The following TLE1 variants were observed in gnomAD, a reference collection of about 807,000 sequenced individuals.
The protein encoded by TLE1 is transducin-like enhancer protein 1.
In TLE1, 21 loss-of-function variants were observed where a neutral mutation model predicts 89.8. The observed-to-expected ratio is 0.23, with a 90% CI of 0.17 to 0.34. The LOEUF (loss-of-function observed/expected upper bound fraction) is 0.34, where lower values mean the gene tolerates loss of function less well. Ranked by LOEUF, TLE1 falls within the 10% of genes least tolerant of loss-of-function variation. TLE1 has a pLI of 1.00. For missense variants in TLE1, 795 were observed against 1,031.2 expected (o/e 0.77, Z 3.14); for synonymous variants, 447 against 407.6 (o/e 1.10, Z -1.16).
Position 81,585,590 on chromosome 9 carries a change from C to T in TLE1, c.2043G>A (p.Val681=). The part of the protein sequence containing the change: ...WLAVGMESSN[V]EVLHVNKPDK... ...CAGGCTTGTTCACGTGCAGCACCTC[C>T]ACATTGCTGCTCTCCATGCCCACTG... Residue 681 remains valine, a synonymous_variant, in exon 18 of 20, where the codon GTG becomes GTA. Coordinates refer to ENST00000376499, the MANE Select transcript of TLE1 (RefSeq NM_005077.5). The T allele has an allele frequency of 1.9e-6, 3 of 1,614,138 alleles. No individual in the cohort carries two copies. The highest frequency in any genetic ancestry group is 2.5e-6 in the Non-Finnish European group (3 of 1,180,030).
chr9:81,599,942 G>A (rs1830695608), intron 14 of TLE1: 3 of 520,754 alleles, frequency 5.8e-6, no homozygotes, highest in Non-Finnish European at 1.1e-5. Context: ...TCTTAAAATG[G>A]ATATGTAAAA....
At chr9:81,652,102 A>C (rs1324940799) in intron 6 of TLE1, 112 bp downstream of exon 6, 2 of 669,982 alleles carry the variant, frequency 3.0e-6, no homozygotes, top group African/African-American at 6.3e-5. Flanking sequence ...GGTCAACGTT[A>C]AGATACACAC....
chr9:81,686,044 C>A, intron 2 of TLE1, 148 bp from the exon 3 acceptor site: 1 of 744,058 alleles, frequency 1.3e-6, no homozygotes. Context: ...TTTGTCCTTG[C>A]ATTTAATAGG....
At position 81,626,004 on chromosome 9, in the gene TLE1, G is replaced by A. The variant is rs138933671; in HGVS notation, c.595-5447C>T. 2.5e-4 allele frequency among the ~76,000 whole-genome samples: 37 copies of A among 146,032 alleles called. No homozygotes were observed. In the East Asian group the frequency reaches 7.1e-3, roughly 28 times the overall value. On this transcript the variant is annotated intron_variant, in intron 8 of 19. Transcript: ENST00000376499. ...TTACAGAGGCCTTCATGAATCCTAAGACCTCCAAGCAACTTCTCTGCCAAC... is the reference window on the plus strand; with the variant it reads ...TTACAGAGGCCTTCATGAATCCTAAAACCTCCAAGCAACTTCTCTGCCAAC...
At chr9:81,602,023 A>G (rs1440719253) in intron 14 of TLE1, among the ~76,000 whole-genome samples, 2 of 152,208 alleles carry the variant, frequency 1.3e-5, no homozygotes, top group African/African-American at 2.4e-5. Context: ...GAGAAGTGTC[A>G]TAAGATGTTT....
In TLE1 at chr9:81,585,601, T is replaced by C. The variant is rs745572197; in HGVS notation, c.2032A>G (p.Ser678Gly). The part of the protein sequence containing the change: ...TGEWLAVGME[S>G]SNVEVLHVNK... Reference sequence around the variant, plus strand: ...ACGTGCAGCACCTCCACATTGCTGCTCTCCATGCCCACTGCCAGCCACTCC... The same window carrying C: ...ACGTGCAGCACCTCCACATTGCTGCCCTCCATGCCCACTGCCAGCCACTCC... Residue 678 changes from serine (S) to glycine (G), a missense_variant, in exon 18 of 20, where the codon AGC (serine) becomes GGC (glycine). By Grantham distance (56) the Ser-to-Gly change is moderately conservative. Transcript: ENST00000376499. The C allele has an allele frequency of 6.2e-7, 1 of 1,614,004 alleles. No homozygotes were observed. The highest frequency in any genetic ancestry group is 1.1e-5 in the South Asian group (1 of 91,072).
intron 4 of TLE1, among the ~76,000 whole-genome samples, chr9:81,683,344 G>A (rs892014381): frequency 2.6e-5 from 4 of 151,898 alleles, no homozygotes; most frequent in South Asian, 2.1e-4. Context: ...AGCCTGTCAG[G>A]AGTCTCGCTA....
At chr9:81,682,020 T>G (rs947400385) in intron 4 of TLE1, among the ~76,000 whole-genome samples, 2 of 151,468 alleles carry the variant, frequency 1.3e-5, no homozygotes, top group African/African-American at 4.9e-5. Flanking sequence ...CCAAGGTGGG[T>G]GGATCACTTG....
chr9:81,615,766 G>A (rs1212580436), intron 11 of TLE1, among the ~76,000 whole-genome samples: 4 of 151,538 alleles, frequency 2.6e-5, no homozygotes, highest in African/African-American at 7.3e-5. Flanking sequence ...ACACAGATGC[G>A]TGTACACCCT....
At chr9:81,659,033 C>T (rs1830460864) in intron 4 of TLE1, among the ~76,000 whole-genome samples, 1 of 151,974 alleles carries the variant, frequency 6.6e-6, no homozygotes, top group South Asian at 2.1e-4. Context: ...CTCAGCCTCG[C>T]GAGTAGCTGG....
chr9:81,675,708 G>GTTTTTTTTTTTT lies in TLE1; in HGVS notation c.234+9967_234+9968insAAAAAAAAAAAA, dbSNP rs61458315. On this transcript the variant is annotated intron_variant, in intron 4 of 19. Transcript: ENST00000376499. ...TAAGGACTCACACTAGTTTTTTTTT[G>GTTTTTTTTTTTT]TTTTTTTTTTTGAGACGGAGTCTCG... Among the ~76,000 whole-genome samples, 4 of 132,440 alleles carry GTTTTTTTTTTTT rather than the reference G, an allele frequency of 3.0e-5. 1 individual carries two copies. The highest frequency in any genetic ancestry group is 1.2e-4 in the African/African-American group (4 of 33,138). The allele number at this position is 132,440 out of a possible 152,430, so 86.9% of individuals were successfully genotyped here.
intron 14 of TLE1, among the ~76,000 whole-genome samples, chr9:81,595,307 T>C (rs1334179096): frequency 6.6e-6 from 1 of 152,184 alleles, no homozygotes; most frequent in Non-Finnish European, 1.5e-5. Flanking sequence ...GGAGTCATAA[T>C]CAAATAGCAT....
rs188448598 is a variant in TLE1 at position 81,635,879 on chromosome 9, G to A, written c.373-1578C>T. On this transcript the variant is annotated intron_variant, in intron 6 of 19. Transcript: ENST00000376499. ...CTTTTCTAAAAATGTTTAGGGTCAG[G>A]CACAGTGGCTCACTATAATCCTATA... 2.3e-3 allele frequency among the ~76,000 whole-genome samples: 354 copies of A among 152,256 alleles called. 2 individuals carry two copies. The highest frequency in any genetic ancestry group is 6.8e-3 in the Middle Eastern group (2 of 294).
chr9:81,645,048 A>G (rs936751485), intron 6 of TLE1, among the ~76,000 whole-genome samples: 13 of 149,222 alleles, frequency 8.7e-5, no homozygotes, highest in African/African-American at 3.0e-4. Context: ...TGTATATATC[A>G]TATCTCAATT....
intron 4 of TLE1, among the ~76,000 whole-genome samples, chr9:81,674,024 A>C (rs1460518503): frequency 2.6e-5 from 4 of 152,038 alleles, no homozygotes; most frequent in Non-Finnish European, 5.9e-5. Flanking sequence ...ATTTTCACTC[A>C]CTAATCCATA....
At chr9:81,684,485 G>A (rs1834012324) in intron 4 of TLE1, among the ~76,000 whole-genome samples, 1 of 152,174 alleles carries the variant, frequency 6.6e-6, no homozygotes, top group Non-Finnish European at 1.5e-5. Flanking sequence ...AATCTATGAT[G>A]AATTAAAAAT....
intron 13 of TLE1, 129 bp from the exon 14 acceptor site, chr9:81,610,425 GTTTTTC>G (rs2132045376): frequency 1.4e-6 from 1 of 702,374 alleles, no homozygotes; most frequent in African/African-American, 1.8e-5. Context: ...ATGGCCTAGT[GTTTTTC>G]TTTTTAATTA....
intron 9 of TLE1, among the ~76,000 whole-genome samples, chr9:81,619,246 G>T (rs1234373764): frequency 6.6e-6 from 1 of 152,150 alleles, no homozygotes; most frequent in Non-Finnish European, 1.5e-5. Context: ...GCTAGGGTGG[G>T]GAGAACCAAC....
chr9:81,647,969 T>TA (rs1588113684), intron 6 of TLE1, among the ~76,000 whole-genome samples: 1 of 152,056 alleles, frequency 6.6e-6, no homozygotes, highest in Non-Finnish European at 1.5e-5. Context: ...ACTTTTCAGT[T>TA]AAAAAAACAA....
Sources: gnomAD v4.1 joint callset for allele counts (sites outside exome capture counted in the v4.1 genomes callset) on GRCh38, gnomAD v4.1.1 for gene constraint, MANE v1.5 for transcripts, NCBI Gene and HGNC (gene_info 2026-07-23, HGNC 2026-07-21) for gene names.